The following PISD variants were observed in gnomAD, a reference collection of about 807,000 sequenced individuals.
PISD encodes phosphatidylserine decarboxylase, also known as phosphatidylserine decarboxylase proenzyme, mitochondrial.
A neutral mutation model predicts 43.5 loss-of-function variants in PISD; 31 were observed. The ratio of observed to expected loss-of-function variants is 0.71; its 90% CI spans 0.54 to 0.96. The LOEUF (loss-of-function observed/expected upper bound fraction) is 0.96. PISD is among the 40% of genes least tolerant of loss of function. The pLI, the probability that PISD is intolerant of heterozygous loss-of-function variation, is 0.00. For synonymous variants in PISD, 259 were observed against 228.7 expected, an observed-to-expected ratio of 1.13 and a Z score of -1.20; for missense variants, 523 against 548.4, an observed-to-expected ratio of 0.95 and a Z score of 0.46.
intron 1 of PISD, among the ~76,000 whole-genome samples, chr22:31,659,438 A>G (rs2074261407): frequency 6.6e-6 from 1 of 152,092 alleles, no homozygotes; most frequent in Non-Finnish European, 1.5e-5. Context: ...GATGCCATAA[A>G]TATTTCTGAT....
intron 3 of PISD, among the ~76,000 whole-genome samples, chr22:31,637,156 AAAAAAAAAATAT>A (rs1428557170): frequency 8.3e-4 from 35 of 42,392 alleles, no homozygotes; most frequent in Non-Finnish European, 1.0e-3. Flanking sequence ...AAAAAAAAAA[AAAAAAAAAATAT>A]ATATATATAT....
chr22:31,639,430 C>A (rs933398701), intron 3 of PISD, among the ~76,000 whole-genome samples: 1 of 151,962 alleles, frequency 6.6e-6, no homozygotes, highest in Admixed American at 6.6e-5. Flanking sequence ...CAGAGTCTTG[C>A]CTTGCCAGGC....
At chr22:31,662,465 C>T, upstream of PISD, 1 of 533,662 alleles carries the variant, frequency 1.9e-6, no homozygotes, top group South Asian at 2.3e-5. Context: ...CTCTGGGTGC[C>T]TTTCCTCATG....
At chr22:31,662,234 A>G, upstream of PISD, 2 of 1,599,590 alleles carry the variant, frequency 1.3e-6, no homozygotes, top group Non-Finnish European at 1.7e-6. Flanking sequence ...TCAGCGTGCC[A>G]CGCCCCCTTC....
At chr22:31,649,899 T>C (rs1315030180) in intron 2 of PISD, among the ~76,000 whole-genome samples, 1 of 152,118 alleles carries the variant, frequency 6.6e-6, no homozygotes, top group Non-Finnish European at 1.5e-5. Flanking sequence ...GATGCTTCTA[T>C]ATGTAAGGAA....
intron 1 of PISD, among the ~76,000 whole-genome samples, chr22:31,654,202 GAC>G (rs112150157): frequency 0.015 from 2,284 of 152,246 alleles, 50 homozygotes; most frequent in African/African-American, 0.044. Context: ...TCAGCAGCAT[GAC>G]ACAGTTGATC....
chr22:31,658,061 T>C (rs941123947), intron 1 of PISD, among the ~76,000 whole-genome samples: 1 of 152,256 alleles, frequency 6.6e-6, no homozygotes, highest in African/African-American at 2.4e-5. Flanking sequence ...GGATTCTGCA[T>C]GTATTCAGTT....
intron 3 of PISD, among the ~76,000 whole-genome samples, chr22:31,634,937 T>C (rs1242028116): frequency 1.3e-5 from 2 of 149,874 alleles, no homozygotes; most frequent in Admixed American, 6.7e-5. Context: ...GAGGCTGAGG[T>C]GGGCGGATCA....
At chr22:31,638,566 C>T in intron 3 of PISD, 2 of 985,348 alleles carry the variant, frequency 2.0e-6, no homozygotes, top group Non-Finnish European at 2.4e-6. Flanking sequence ...AGTAAGGACA[C>T]CCGCAGGCCA....
At position 31,650,757 on chromosome 22, in the gene PISD, A is replaced by G; in HGVS notation, c.87T>C (p.Thr29=). The change falls in exon 2 of 8, where the codon ACT becomes ACC. Residue 29 remains threonine, a synonymous_variant. Coordinates refer to ENST00000439502, the MANE Select transcript of PISD (RefSeq NM_001326411.2). The part of the protein sequence containing the change: ...WRSSLHPCEI[T]ALSQSLQPLR... ...AGGGCTGTAGGGATTGGCTCAGGGC[A>G]GTGATCTCACAGGGATGGAGGCTAT... 3 of 1,554,524 alleles carry G rather than the reference A, an allele frequency of 1.9e-6. No individual in the cohort carries two copies. In the South Asian group the frequency reaches 3.6e-5, roughly 18 times the overall value.
intron 3 of PISD, among the ~76,000 whole-genome samples, chr22:31,644,982 C>T (rs1030528650): frequency 6.6e-6 from 1 of 151,906 alleles, no homozygotes; most frequent in Admixed American, 6.6e-5. Context: ...AATTAGCTGG[C>T]GCAGTAATAG....
At position 31,630,860 on chromosome 22, in the gene PISD, G is replaced by C. The variant is rs1280001882; in HGVS notation, c.322-8975C>G. 1 of 985,364 alleles carries C rather than the reference G, an allele frequency of 1.0e-6. No homozygotes were observed. Among genetic ancestry groups the C allele is most frequent in the Non-Finnish European group, 1.2e-6 (1 of 829,958 alleles). The allele number at this position is 985,364 out of a possible 1,614,324, so 61.0% of individuals were successfully genotyped here. ...TCCCTAGGGGCGCTCCCGGAGCCGG[G>C]AAGCCTTGGGGCGAGTGGGCGGGGC... On this transcript the variant is annotated intron_variant, in intron 3 of 7. Coordinates refer to ENST00000439502, the MANE Select transcript of PISD (RefSeq NM_001326411.2). This position sits in a 1 kb window ranked among gnomAD's most constrained non-coding sequence, Gnocchi z 4.4.
chr22:31,662,266 G>A, upstream of PISD: 1 of 1,534,676 alleles, frequency 6.5e-7, no homozygotes, highest in Non-Finnish European at 8.9e-7. Context: ...GCACGCTTAA[G>A]GCGTCACGAG....
chr22:31,636,240 C>G (rs2147725173), intron 3 of PISD, among the ~76,000 whole-genome samples: 1 of 152,270 alleles, frequency 6.6e-6, no homozygotes, highest in South Asian at 2.1e-4. Flanking sequence ...ACAGGCTGAT[C>G]TGTCTTTATT....
chr22:31,627,041 G>A lies in PISD; in HGVS notation c.322-5156C>T, dbSNP rs189855520. 2.3e-3 allele frequency among the ~76,000 whole-genome samples: 349 copies of A among 152,376 alleles called. 1 individual carries two copies. Among genetic ancestry groups the A allele is most frequent in the African/African-American group, 8.3e-3 (344 of 41,592 alleles). On this transcript the variant is annotated intron_variant, in intron 3 of 7. Coordinates refer to ENST00000439502, the MANE Select transcript of PISD (RefSeq NM_001326411.2). Reference sequence around the variant, plus strand: ...GCGTGGTTGAACATCTGACGCCCTGGCAAACCCTCCTCAGCCACACAGGTG... The same window carrying A: ...GCGTGGTTGAACATCTGACGCCCTGACAAACCCTCCTCAGCCACACAGGTG...
chr22:31,624,654 G>GACAGAC (rs57935428), intron 3 of PISD, among the ~76,000 whole-genome samples: 1,568 of 132,704 alleles, frequency 0.012, 30 homozygotes, highest in African/African-American at 0.038. Flanking sequence ...TGCACAGACA[G>GACAGAC]ACACACACAC....
intron 6 of PISD, 40 bp downstream of exon 6, chr22:31,620,956 C>A: frequency 6.3e-7 from 1 of 1,579,468 alleles, no homozygotes; most frequent in South Asian, 1.1e-5. Flanking sequence ...CTATATGAAG[C>A]CCACAGAGGC....
rs189614702 is a variant in PISD, at chr22:31,643,432, T to C, written c.321+4669A>G. ...TAAATAAAAATTAATTCAAAATGGATAAAAGACTTAAATATAAAACTACCC... is the reference window on the plus strand; with the variant it reads ...TAAATAAAAATTAATTCAAAATGGACAAAAGACTTAAATATAAAACTACCC... On this transcript the variant is annotated intron_variant, in intron 3 of 7. Transcript: ENST00000439502. Among the ~76,000 whole-genome samples the C allele has an allele frequency of 1.6e-3, 249 of 152,238 alleles. 3 individuals carry two copies. The highest frequency in any genetic ancestry group is 2.4e-4 in the Non-Finnish European group (16 of 68,020).
chr22:31,620,120 C>A (rs1457256429), intron 7 of PISD, among the ~76,000 whole-genome samples: 1 of 152,204 alleles, frequency 6.6e-6, no homozygotes, highest in Non-Finnish European at 1.5e-5. Context: ...CCCGTGGGAG[C>A]CAAGGCCGTT....
Sources: gnomAD v4.1 joint callset for allele counts (sites outside exome capture counted in the v4.1 genomes callset) on GRCh38, gnomAD v4.1.1 for gene constraint, Gnocchi (gnomAD v3.1) non-coding constraint, MANE v1.5 for transcripts, NCBI Gene and HGNC (gene_info 2026-07-23, HGNC 2026-07-21) for gene names.